Variants in MACROD2 observed in about 807,000 individuals in gnomAD.
MACROD2 encodes ADP-ribose glycohydrolase MACROD2.
MACROD2 carries 36 observed loss-of-function variants against 70.4 expected under a neutral mutation model. The ratio of observed to expected loss-of-function variants is 0.51; its 90% CI spans 0.39 to 0.68. The LOEUF (loss-of-function observed/expected upper bound fraction) is 0.68. Among genes scored for constraint, MACROD2 ranks in the 30% least tolerant of loss-of-function variants. The pLI is 0.00. For synonymous variants in MACROD2, 172 were observed against 178.8 expected, an observed-to-expected ratio of 0.96 and a Z score of 0.30; for missense variants, 496 against 538.4, an observed-to-expected ratio of 0.92 and a Z score of 0.78.
intron 9 of MACROD2, among the ~76,000 whole-genome samples, chr20:15,864,183 A>G (rs907207484): frequency 1.4e-4 from 22 of 151,864 alleles, no homozygotes; most frequent in Non-Finnish European, 4.4e-5. Flanking sequence ...TGTTGAGACG[A>G]GTTGAATTAA....
intron 5 of MACROD2, among the ~76,000 whole-genome samples, chr20:15,204,940 G>A (rs2076688980): frequency 6.6e-6 from 1 of 152,058 alleles, no homozygotes; most frequent in African/African-American, 2.4e-5. Flanking sequence ...TTTGCATGTA[G>A]GGAATAGAAC....
intron 6 of MACROD2, among the ~76,000 whole-genome samples, chr20:15,365,660 CAA>C (rs34038906): frequency 2.7e-5 from 3 of 111,994 alleles, no homozygotes; most frequent in African/African-American, 3.4e-5. Context: ...GGCTCTGTCT[CAA>C]AAAAAAAAAA....
chr20:15,541,094 CAG>C (rs2146567409), intron 8 of MACROD2, among the ~76,000 whole-genome samples: 1 of 152,216 alleles, frequency 6.6e-6, no homozygotes, highest in South Asian at 2.1e-4. Flanking sequence ...CTCGTGGAAA[CAG>C]AGAATACACA....
At chr20:14,107,713 C>A (rs971514687) in intron 3 of MACROD2, among the ~76,000 whole-genome samples, 2 of 152,042 alleles carry the variant, frequency 1.3e-5, no homozygotes, top group South Asian at 2.1e-4. Flanking sequence ...ACCCTGCATG[C>A]CAGGAGAGAA....
intron 12 of MACROD2, among the ~76,000 whole-genome samples, chr20:15,963,868 T>C (rs1161703290): frequency 1.3e-5 from 2 of 152,188 alleles, no homozygotes; most frequent in African/African-American, 4.8e-5. Context: ...GTTTCTTTTT[T>C]ATTCTTGTTA....
In MACROD2 at chr20:15,847,593, G is replaced by A. The variant is rs1256408999; in HGVS notation, c.646-15152G>A. On this transcript the variant is annotated intron_variant, in intron 8 of 17. Transcript: ENST00000684519. ...GCGTCACAGATGCTGGAGCAGAATC[G>A]AGTTTAGAAAATAAACTTTTAAGGG... Among the ~76,000 whole-genome samples the A allele has an allele frequency of 3.3e-5, 5 of 152,060 alleles. No homozygotes were observed. The East Asian group carries it at 5.8e-4, about 18-fold the overall frequency.
rs142202379 is a variant in MACROD2, at chr20:15,811,763, A to G, written c.646-50982A>G. The stretch of plus-strand genomic sequence containing the variant: ...ATTCAGAGTAGGGGAGGAAATAGAG[A>G]TGGTATCTAATCCAGATTAGAAGTT... On this transcript the variant is annotated intron_variant, in intron 8 of 17. Transcript: ENST00000684519. 8.5e-5 allele frequency among the ~76,000 whole-genome samples: 13 copies of G among 152,252 alleles called. 1 individual carries two copies. Among genetic ancestry groups the G allele is most frequent in the Non-Finnish European group, 1.8e-4 (12 of 68,012 alleles).
At chr20:14,101,629 A>G (rs1256026451) in intron 3 of MACROD2, among the ~76,000 whole-genome samples, 1 of 152,136 alleles carries the variant, frequency 6.6e-6, no homozygotes, top group Non-Finnish European at 1.5e-5. Flanking sequence ...TTGTGTTTAT[A>G]AGCAAAGACA....
intron 8 of MACROD2, among the ~76,000 whole-genome samples, chr20:15,562,714 C>T (rs1033718287): frequency 6.6e-6 from 1 of 152,148 alleles, no homozygotes; most frequent in African/African-American, 2.4e-5. Flanking sequence ...AAAGTAGCTC[C>T]AGAGTAAGGC....
At chr20:15,847,192 G>A (rs971252802) in intron 8 of MACROD2, among the ~76,000 whole-genome samples, 2 of 152,170 alleles carry the variant, frequency 1.3e-5, no homozygotes, top group South Asian at 2.1e-4. Context: ...AAAGTATAAC[G>A]TAGAGGATTG....
intron 5 of MACROD2, among the ~76,000 whole-genome samples, chr20:14,899,583 A>G (rs1261287694): frequency 1.3e-5 from 2 of 152,140 alleles, no homozygotes; most frequent in Non-Finnish European, 2.9e-5. Context: ...TTAGAATGGC[A>G]TCAGTCATAT....
intron 10 of MACROD2, chr20:15,893,056 A>C: frequency 2.5e-6 from 1 of 399,022 alleles, no homozygotes; most frequent in East Asian, 3.6e-5. Context: ...CCATGAAAAG[A>C]AACATATTTA....
intron 3 of MACROD2, among the ~76,000 whole-genome samples, chr20:14,237,174 C>T (rs78278708): frequency 0.025 from 3,761 of 152,090 alleles, 139 homozygotes; most frequent in African/African-American, 0.084. Context: ...GCTCTCATAT[C>T]TCTCTGATAG....
At position 15,731,865 on chromosome 20, in the gene MACROD2, C is replaced by G; in HGVS notation, c.646-130880C>G. On this transcript the variant is annotated intron_variant, in intron 8 of 17. Transcript: ENST00000684519. Reference sequence around the variant, plus strand: ...TCACTTCCTGGGTTCAAGACATTCTCCTGCCTCAGCTTCCTGAGTAGCTGG... The same window carrying G: ...TCACTTCCTGGGTTCAAGACATTCTGCTGCCTCAGCTTCCTGAGTAGCTGG... Among the ~76,000 whole-genome samples, 2 of 56,186 alleles carry G rather than the reference C, an allele frequency of 3.6e-5. 1 individual carries two copies. The highest frequency in any genetic ancestry group is 5.5e-4 in the East Asian group (2 of 3,612). The allele number at this position is 56,186 out of a possible 152,430, so 36.9% of individuals were successfully genotyped here.
intron 3 of MACROD2, among the ~76,000 whole-genome samples, chr20:14,349,814 C>CTTTTTTTTTT (rs538685508): frequency 7.6e-6 from 1 of 132,242 alleles, no homozygotes; most frequent in Non-Finnish European, 1.6e-5. Context: ...TTCTTTTTTT[C>CTTTTTTTTTT]TTTTTTTTTT....
intron 5 of MACROD2, among the ~76,000 whole-genome samples, chr20:15,177,624 T>A (rs759647807): frequency 3.8e-4 from 58 of 152,206 alleles, no homozygotes; most frequent in Non-Finnish European, 6.9e-4. Context: ...CCTCATTCTA[T>A]GTTGAGGGTT....
intron 5 of MACROD2, among the ~76,000 whole-genome samples, chr20:14,839,919 G>A (rs1330677288): frequency 1.3e-5 from 2 of 152,090 alleles, no homozygotes; most frequent in Non-Finnish European, 2.9e-5. Context: ...AAATTGGAAA[G>A]GGGTGATGAA....
chr20:15,516,895 C>T (rs2047575194), intron 8 of MACROD2, among the ~76,000 whole-genome samples: 1 of 152,150 alleles, frequency 6.6e-6, no homozygotes, highest in Non-Finnish European at 1.5e-5. Flanking sequence ...TATCACATAA[C>T]AGTTGTTGCA....
intron 5 of MACROD2, among the ~76,000 whole-genome samples, chr20:14,759,943 G>A (rs1403986653): frequency 3.3e-5 from 5 of 152,110 alleles, no homozygotes; most frequent in African/African-American, 4.8e-5. Context: ...ACAGAGGAGA[G>A]GAGCAGCAAA....
Sources: allele counts gnomAD v4.1 joint callset (sites outside exome capture counted in the v4.1 genomes callset), GRCh38; gene constraint gnomAD v4.1.1; transcripts MANE v1.5; gene names NCBI Gene and HGNC (gene_info 2026-07-23, HGNC 2026-07-21).